CLVS1: variants seen among roughly 807,000 people sequenced by gnomAD.
CLVS1 encodes the protein clavesin 1.
A neutral mutation model predicts 33.1 loss-of-function variants in CLVS1; 10 were observed. The ratio of observed to expected loss-of-function variants is 0.30; its 90% CI spans 0.19 to 0.51. The LOEUF (loss-of-function observed/expected upper bound fraction) is 0.51, where lower values mean the gene tolerates loss of function less well. CLVS1 is among the 20% of genes least tolerant of loss of function. CLVS1 has a pLI of 0.97. For synonymous variants in CLVS1, 163 were observed against 166.1 expected (o/e 0.98, Z 0.14); for missense variants, 343 against 433.4 (o/e 0.79, Z 1.85).
At chr8:61,065,543 C>A (rs1804662065) in intron 1 of CLVS1, among the ~76,000 whole-genome samples, 1 of 152,188 alleles carries the variant, frequency 6.6e-6, no homozygotes. Context: ...GACACATTTT[C>A]AGTTGTGTAT....
chr8:61,280,447 A>G (rs1054639615), intron 2 of CLVS1, among the ~76,000 whole-genome samples: 1 of 152,222 alleles, frequency 6.6e-6, no homozygotes, highest in Non-Finnish European at 1.5e-5. Flanking sequence ...CTCATTGTAT[A>G]ATAGAATAGT....
intron 4 of CLVS1, among the ~76,000 whole-genome samples, chr8:61,455,038 A>C (rs1206867672): frequency 6.6e-6 from 1 of 151,944 alleles, no homozygotes; most frequent in East Asian, 1.9e-4. Flanking sequence ...TTTTTTTCCC[A>C]GTGTTATTAA....
At chr8:61,036,388 G>C in the CLVS1 span, among the ~76,000 whole-genome samples, 1 of 152,214 alleles carries the variant, frequency 6.6e-6, no homozygotes, top group East Asian at 1.9e-4. Context: ...GGCAGCTGCA[G>C]GTGGGGCAGC....
At chr8:61,040,630 A>G in the CLVS1 span, among the ~76,000 whole-genome samples, 1 of 152,090 alleles carries the variant, frequency 6.6e-6, no homozygotes, top group Admixed American at 6.6e-5. Flanking sequence ...GGCCTCTTGT[A>G]TGTCTTCTTT....
intron 5 of CLVS1, among the ~76,000 whole-genome samples, chr8:61,482,246 A>G (rs1378728343): frequency 1.3e-5 from 2 of 152,244 alleles, no homozygotes; most frequent in African/African-American, 4.8e-5. Context: ...AAAGATAGGG[A>G]GAAACCAGAG....
chr8:61,363,115 C>G (rs1444341748), intron 2 of CLVS1, among the ~76,000 whole-genome samples: 1 of 152,118 alleles, frequency 6.6e-6, no homozygotes, highest in South Asian at 2.1e-4. Flanking sequence ...TTCCTCTTTT[C>G]CCCTTTGGAA....
At chr8:61,302,054 T>A (rs879592950) in intron 2 of CLVS1, among the ~76,000 whole-genome samples, 12 of 152,172 alleles carry the variant, frequency 7.9e-5, no homozygotes, top group Admixed American at 5.9e-4. Context: ...ATTTCTAAAG[T>A]GCCTCTTCAC....
intron 1 of CLVS1, among the ~76,000 whole-genome samples, chr8:61,062,723 G>A (rs1380638568): frequency 3.9e-5 from 6 of 152,104 alleles, no homozygotes; most frequent in Non-Finnish European, 4.4e-5. Flanking sequence ...ATGGTCCACG[G>A]GCCAAAAGAA....
At chr8:61,095,604 T>G (rs1449507669) in intron 1 of CLVS1, among the ~76,000 whole-genome samples, 1 of 152,154 alleles carries the variant, frequency 6.6e-6, no homozygotes, top group Non-Finnish European at 1.5e-5. Flanking sequence ...TTGAGAAAGC[T>G]TGCCCGAGAG....
At chr8:61,180,599 T>A (rs1417528389) in intron 2 of CLVS1, among the ~76,000 whole-genome samples, 1 of 152,190 alleles carries the variant, frequency 6.6e-6, no homozygotes, top group Non-Finnish European at 1.5e-5. Context: ...AATAAAATAC[T>A]GGCAAATCTA....
the CLVS1 span, among the ~76,000 whole-genome samples, chr8:61,032,999 AAGAAAG>A: frequency 4.2e-4 from 33 of 77,724 alleles, no homozygotes; most frequent in African/African-American, 1.6e-3. Context: ...GAAGGAAAGA[AAGAAAG>A]AAAGAAAGAA....
At chr8:61,034,082 T>C in the CLVS1 span, among the ~76,000 whole-genome samples, 1 of 152,022 alleles carries the variant, frequency 6.6e-6, no homozygotes, top group Admixed American at 6.6e-5. Context: ...GGGGCCAGGG[T>C]CACCTCAATT....
intron 5 of CLVS1, among the ~76,000 whole-genome samples, chr8:61,495,675 T>C (rs920346155): frequency 6.6e-6 from 1 of 152,174 alleles, no homozygotes; most frequent in Non-Finnish European, 1.5e-5. Flanking sequence ...CATGGCAGCA[T>C]GTGTAAATAC....
intron 2 of CLVS1, among the ~76,000 whole-genome samples, chr8:61,363,981 A>G (rs1467467018): frequency 6.6e-6 from 1 of 152,200 alleles, no homozygotes; most frequent in Non-Finnish European, 1.5e-5. Flanking sequence ...GGTCCTGCCA[A>G]TTAACTCTCA....
the CLVS1 span, among the ~76,000 whole-genome samples, chr8:61,033,522 G>C: frequency 6.6e-6 from 1 of 152,312 alleles, no homozygotes; most frequent in East Asian, 1.9e-4. Flanking sequence ...TCTCTTACTG[G>C]GTGAGGGGGG....
At chr8:61,191,764 C>T (rs1227676369) in intron 2 of CLVS1, among the ~76,000 whole-genome samples, 1 of 152,116 alleles carries the variant, frequency 6.6e-6, no homozygotes, top group African/African-American at 2.4e-5. Context: ...CATGAGTGAA[C>T]TCCCATTCAC....
At chr8:61,357,488 T>G (rs1563513988) in intron 2 of CLVS1, among the ~76,000 whole-genome samples, 1 of 132,280 alleles carries the variant, frequency 7.6e-6, no homozygotes, top group Non-Finnish European at 1.6e-5. Flanking sequence ...CTTTCCTTTT[T>G]CTTTTCTTTT....
intron 2 of CLVS1, among the ~76,000 whole-genome samples, chr8:61,214,959 C>T (rs1212957101): frequency 6.6e-6 from 1 of 152,152 alleles, no homozygotes; most frequent in East Asian, 1.9e-4. Context: ...CAAAATTGAG[C>T]TCCTGGACCT....
At chr8:61,116,340 G>A (rs1309818279) in intron 1 of CLVS1, among the ~76,000 whole-genome samples, 1 of 152,048 alleles carries the variant, frequency 6.6e-6, no homozygotes, top group Non-Finnish European at 1.5e-5. Flanking sequence ...CTCTGATGGT[G>A]GTTTCTTTTG....
Sources: allele counts gnomAD v4.1 joint callset (sites outside exome capture counted in the v4.1 genomes callset), GRCh38; gene constraint gnomAD v4.1.1; transcripts MANE v1.5; gene names NCBI Gene and HGNC (gene_info 2026-07-23, HGNC 2026-07-21).